Variants in HTRA1 observed in about 807,000 individuals in gnomAD.
HTRA1 encodes the protein HtrA serine peptidase 1.
A neutral mutation model predicts 49.7 loss-of-function variants in HTRA1; 26 were observed. The observed-to-expected ratio is 0.52, with a 90% CI of 0.38 to 0.73. The LOEUF (loss-of-function observed/expected upper bound fraction) is 0.73, where lower values mean the gene tolerates loss of function less well. Among genes scored for constraint, HTRA1 ranks in the 30% least tolerant of loss-of-function variants. The pLI is 0.00. For missense variants in HTRA1, 561 were observed against 667.2 expected, an observed-to-expected ratio of 0.84 and a Z score of 1.75; for synonymous variants, 291 against 286.9, an observed-to-expected ratio of 1.01 and a Z score of -0.14.
intron 1 of HTRA1, among the ~76,000 whole-genome samples, chr10:122,484,125 T>C (rs2097492143): frequency 6.6e-6 from 1 of 151,796 alleles, no homozygotes; most frequent in Non-Finnish European, 1.5e-5. Flanking sequence ...GCAGGTAAAA[T>C]GGCCAGGCCT....
At chr10:122,485,891 C>T (rs1449758057) in intron 1 of HTRA1, among the ~76,000 whole-genome samples, 7 of 152,206 alleles carry the variant, frequency 4.6e-5, no homozygotes, top group African/African-American at 1.2e-4. Flanking sequence ...GGAGTTAAAC[C>T]TCTTCTTGGC....
chr10:122,461,639 C>T lies in HTRA1; in HGVS notation c.-14C>T, dbSNP rs1416609220. 3 of 1,304,522 alleles carry T rather than the reference C, an allele frequency of 2.3e-6. No individual in the cohort carries two copies. The highest frequency in any genetic ancestry group is 3.0e-6 in the Non-Finnish European group (3 of 1,009,684). 80.8% of individuals were successfully genotyped at this position (1,304,522 alleles called of 1,614,324 possible). A position where few individuals can be genotyped will look rare whatever the true frequency, so the allele number is the denominator to read the frequency against. On this transcript the variant is annotated 5_prime_UTR_variant, in exon 1 of 9. Transcript: ENST00000368984. ...GCCCTGTCCGCCGCCACCGCCGCCG[C>T]CGCCAGAGTCGCCATGCAGATCCCG...
At chr10:122,511,845 C>A in intron 7 of HTRA1, 125 bp from the exon 8 acceptor site, 1 of 706,188 alleles carries the variant, frequency 1.4e-6, no homozygotes, top group Non-Finnish European at 2.6e-6. Context: ...AAAATAGGAT[C>A]AGAATTCCTG....
In HTRA1 at chr10:122,461,786, G is replaced by C. The variant is rs1167533665; in HGVS notation, c.134G>C (p.Arg45Pro). The change falls in exon 1 of 9, where the codon CGC (arginine) becomes CCC (proline). Residue 45 changes from arginine (R) to proline (P), a missense_variant. Transcript: ENST00000368984. ...TGCCCAGACCGCTGCGAGCCGGCGCGCTGCCCGCCGCAGCCGGAGCACTGC... is the reference window on the plus strand; with the variant it reads ...TGCCCAGACCGCTGCGAGCCGGCGCCCTGCCCGCCGCAGCCGGAGCACTGC... The part of the protein sequence containing the change: ...AGCPDRCEPA[R>P]CPPQPEHCEG... 1 of 1,048,940 alleles carries C rather than the reference G, an allele frequency of 9.5e-7. No individual in the cohort carries two copies. The highest frequency in any genetic ancestry group is 1.1e-6 in the Non-Finnish European group (1 of 873,134). The allele number at this position is 1,048,940 out of a possible 1,614,324, so 65.0% of individuals were successfully genotyped here. A position where few individuals can be genotyped will look rare whatever the true frequency, so the allele number is the denominator to read the frequency against.
intron 1 of HTRA1, among the ~76,000 whole-genome samples, chr10:122,468,100 T>A (rs2097484504): frequency 6.6e-6 from 1 of 152,168 alleles, no homozygotes; most frequent in African/African-American, 2.4e-5. Flanking sequence ...GTGTATCAGG[T>A]ATGGGGACTC....
At chr10:122,473,117 C>T (rs1269939723) in intron 1 of HTRA1, among the ~76,000 whole-genome samples, 1 of 152,208 alleles carries the variant, frequency 6.6e-6, no homozygotes, top group African/African-American at 2.4e-5. Context: ...AGGTTGATGG[C>T]TCTTAGAGTT....
chr10:122,509,975 C>T, intron 6 of HTRA1, 121 bp from the exon 7 acceptor site: 2 of 810,112 alleles, frequency 2.5e-6, no homozygotes, highest in Non-Finnish European at 4.3e-6. Context: ...TGAGCCGCAA[C>T]CTCAGTGTAC....
chr10:122,512,434 T>C (rs2097506065), intron 8 of HTRA1, among the ~76,000 whole-genome samples: 2 of 152,190 alleles, frequency 1.3e-5, no homozygotes, highest in Non-Finnish European at 2.9e-5. Flanking sequence ...GACCCTTCTC[T>C]TCCTGGAGTC....
chr10:122,505,008 TGGA>T (rs1427366182), intron 3 of HTRA1, among the ~76,000 whole-genome samples: 4 of 152,214 alleles, frequency 2.6e-5, no homozygotes, highest in Admixed American at 1.3e-4. Flanking sequence ...TTCCCGCTGT[TGGA>T]TTTGCACAGG....
intron 1 of HTRA1, among the ~76,000 whole-genome samples, chr10:122,469,792 G>A (rs990932902): frequency 2.6e-5 from 4 of 152,182 alleles, no homozygotes; most frequent in Admixed American, 2.6e-4. Flanking sequence ...GCCCATGTCT[G>A]TTTCACTCCC....
At chr10:122,477,428 A>G (rs555743500) in intron 1 of HTRA1, among the ~76,000 whole-genome samples, 10 of 152,254 alleles carry the variant, frequency 6.6e-5, no homozygotes, top group Non-Finnish European at 1.5e-4. Context: ...GGACCTCCCA[A>G]AAGCTGCTGG....
intron 1 of HTRA1, among the ~76,000 whole-genome samples, chr10:122,482,974 A>G (rs1452934909): frequency 6.6e-6 from 1 of 150,874 alleles, no homozygotes; most frequent in Non-Finnish European, 1.5e-5. Flanking sequence ...TTCTTTTGAG[A>G]GAAACACAGA....
intron 1 of HTRA1, among the ~76,000 whole-genome samples, chr10:122,462,425 G>A (rs1487444710): frequency 6.6e-6 from 1 of 152,278 alleles, no homozygotes; most frequent in Non-Finnish European, 1.5e-5. Flanking sequence ...ACCACACAGC[G>A]CGGGGACCCC....
intron 1 of HTRA1, among the ~76,000 whole-genome samples, chr10:122,483,648 A>G (rs1466240971): frequency 6.6e-6 from 1 of 152,224 alleles, no homozygotes; most frequent in Non-Finnish European, 1.5e-5. Context: ...GAGTATGCTT[A>G]ATCTATGGGT....
chr10:122,462,976 G>T (rs1192345412), intron 1 of HTRA1, among the ~76,000 whole-genome samples: 1 of 152,240 alleles, frequency 6.6e-6, no homozygotes, highest in Admixed American at 6.5e-5. Flanking sequence ...GGGACCTTCC[G>T]GAGAGATGCT....
At chr10:122,472,390 T>C (rs1003062545) in intron 1 of HTRA1, among the ~76,000 whole-genome samples, 1 of 142,180 alleles carries the variant, frequency 7.0e-6, no homozygotes, top group African/African-American at 2.6e-5. Context: ...ATTATTATTA[T>C]TATTATTATT....
intron 1 of HTRA1, among the ~76,000 whole-genome samples, chr10:122,486,662 G>T (rs2097493199): frequency 1.3e-5 from 2 of 152,238 alleles, no homozygotes; most frequent in African/African-American, 4.8e-5. Flanking sequence ...CGGGTCACAA[G>T]AGGGCTGGGA....
intron 1 of HTRA1, among the ~76,000 whole-genome samples, chr10:122,474,111 AT>A (rs1413745803): frequency 2.6e-5 from 4 of 152,180 alleles, no homozygotes; most frequent in African/African-American, 9.7e-5. Context: ...AATATTCTAT[AT>A]GGATGGGGAT....
chr10:122,508,776 C>T lies in HTRA1; in HGVS notation c.1120+6C>T, dbSNP rs1234497845. ...CCATGACCGACAGGCCAAAGGTAGG[C>T]AAGGCCCACACAGCCCTGGGGACTC... On this transcript the variant is annotated splice_donor_region_variant and intron_variant, in intron 6 of 8. Coordinates refer to ENST00000368984, the MANE Select transcript of HTRA1 (RefSeq NM_002775.5). 6.5e-7 allele frequency: 1 copy of T among 1,545,630 alleles called. No homozygotes were observed. The highest frequency in any genetic ancestry group is 1.1e-5 in the South Asian group (1 of 89,790).
Sources: allele counts gnomAD v4.1 joint callset (sites outside exome capture counted in the v4.1 genomes callset), GRCh38; gene constraint gnomAD v4.1.1; transcripts MANE v1.5; gene names NCBI Gene and HGNC (gene_info 2026-07-23, HGNC 2026-07-21).